F12: variants seen among roughly 807,000 people sequenced by gnomAD.
The protein encoded by F12 is Hageman factor.
F12 carries 70 observed loss-of-function variants against 74.8 expected under a neutral mutation model. The ratio of observed to expected loss-of-function variants is 0.94; its 90% CI spans 0.77 to 1.14. The LOEUF (loss-of-function observed/expected upper bound fraction) is 1.14. Among genes scored for constraint, F12 ranks in the 50% most tolerant of loss-of-function variants. The probability of loss-of-function intolerance (pLI) is 0.00; values close to 1 mark genes in which losing one functional copy is unlikely to be tolerated. For synonymous variants in F12, 373 were observed against 356.4 expected, an observed-to-expected ratio of 1.05 and a Z score of -0.52; for missense variants, 811 against 835.7, an observed-to-expected ratio of 0.97 and a Z score of 0.36.
In F12 at chr5:177,403,412, G is replaced by C. The variant is rs1405067811; in HGVS notation, c.1388-15C>G. ...GCGCAACAGAGCTAACCCGGGCGGA[G>C]AGGAGCGTGAGGCGGGGACGCCGGG... On this transcript the variant is annotated splice_polypyrimidine_tract_variant and intron_variant, in intron 11 of 13. Transcript: ENST00000253496. The C allele has an allele frequency of 6.3e-7, 1 of 1,585,606 alleles. No homozygotes were observed. Among genetic ancestry groups the C allele is most frequent in the Non-Finnish European group, 8.5e-7 (1 of 1,172,652 alleles).
rs934155433 is a variant in F12 at position 177,406,183 on chromosome 5, T to G, written c.116-122A>C. On this transcript the variant is annotated intron_variant, in intron 2 of 13. Coordinates refer to ENST00000253496, the MANE Select transcript of F12 (RefSeq NM_000505.4). ...AAGGTCGCTGTGCATTGAAAACACT[T>G]TCTGCTCTAAAAGTTGGGTTCAGGG... is the stretch of plus-strand genomic sequence containing the variant. 31 of 927,908 alleles carry G rather than the reference T, an allele frequency of 3.3e-5. No individual in the cohort carries two copies. In the Middle Eastern group the frequency reaches 1.1e-3, roughly 32 times the overall value. The allele number at this position is 927,908 out of a possible 1,614,324, so 57.5% of individuals were successfully genotyped here.
chr5:177,405,661 G>A (rs1763271822), intron 4 of F12, 74 bp downstream of exon 4: 1 of 1,439,692 alleles, frequency 6.9e-7, no homozygotes, highest in South Asian at 1.1e-5. Context: ...AGGTGTGTGG[G>A]GTCTGGTGAT....
At chr5:177,406,287 G>C (rs929264405) in intron 2 of F12, among the ~76,000 whole-genome samples, 9 of 152,290 alleles carry the variant, frequency 5.9e-5, no homozygotes, top group African/African-American at 1.2e-4. Flanking sequence ...AGGAGATCAA[G>C]ACCATCCTGG....
At chr5:177,408,385 G>A (rs1763337482) in intron 2 of F12, among the ~76,000 whole-genome samples, 1 of 152,186 alleles carries the variant, frequency 6.6e-6, no homozygotes, top group Non-Finnish European at 1.5e-5. Flanking sequence ...AAGAATGAAA[G>A]CAATGGGGAG....
In F12 at chr5:177,403,569, G is replaced by A. The variant is rs17876033; in HGVS notation, c.1299C>T (p.Asn433=). The change falls in exon 11 of 14, where the codon AAC becomes AAT. Residue 433 remains asparagine (N), a synonymous_variant. Transcript: ENST00000253496. The part of the protein sequence containing the change: ...LTVVLGQERR[N]HSCEPCQTLA... Reference sequence around the variant, plus strand: ...ACGTCTGGCACGGCTCACAGCTGTGGTTACGGCGTTCCTGGCCGAGCACCA... The same window carrying A: ...ACGTCTGGCACGGCTCACAGCTGTGATTACGGCGTTCCTGGCCGAGCACCA... 1.6e-3 allele frequency: 2,499 copies of A among 1,604,796 alleles called. 7 individuals carry two copies. Among genetic ancestry groups the A allele is most frequent in the Non-Finnish European group, 2.0e-3 (2,316 of 1,178,438 alleles).
intron 2 of F12, among the ~76,000 whole-genome samples, chr5:177,406,289 C>G (rs1411193292): frequency 6.6e-6 from 1 of 152,136 alleles, no homozygotes; most frequent in Non-Finnish European, 1.5e-5. Flanking sequence ...GAGATCAAGA[C>G]CATCCTGGCT....
chr5:177,403,088 C>G, intron 12 of F12, 166 bp downstream of exon 12: 3 of 845,060 alleles, frequency 3.6e-6, no homozygotes, highest in East Asian at 2.6e-5. Context: ...GAATCCCAGG[C>G]CCTGGGATTC....
At chr5:177,406,461 C>A (rs1378026302) in intron 2 of F12, among the ~76,000 whole-genome samples, 1 of 151,960 alleles carries the variant, frequency 6.6e-6, no homozygotes, top group Non-Finnish European at 1.5e-5. Flanking sequence ...TGCACTCCAG[C>A]CTGGGTGACA....
At chr5:177,404,943 C>T (rs1763251838) in intron 6 of F12, 29 bp from the exon 7 acceptor site, 3 of 1,588,114 alleles carry the variant, frequency 1.9e-6, no homozygotes, top group Non-Finnish European at 2.6e-6. Flanking sequence ...TGAGCCACCC[C>T]TGGGCCTAAA....
At position 177,405,579 on chromosome 5, in the gene F12, C is replaced by T. The variant is rs555133740; in HGVS notation, c.287-146G>A. 60 of 1,179,622 alleles carry T rather than the reference C, an allele frequency of 5.1e-5. 1 individual carries two copies. The South Asian group carries it at 7.4e-4, about 15-fold the overall frequency. The allele number at this position is 1,179,622 out of a possible 1,614,324, so 73.1% of individuals were successfully genotyped here. A position where few individuals can be genotyped will look rare whatever the true frequency, so the allele number is the denominator to read the frequency against. On this transcript the variant is annotated intron_variant, in intron 4 of 13. Transcript: ENST00000253496. ...ACCCACCTGCAAAATGGGACCACTC[C>T]TTCCCAGAACTCTCCCTCTGGACTT...
chr5:177,409,023 G>A (rs367757758), intron 2 of F12, 23 bp downstream of exon 2: 82 of 1,550,404 alleles, frequency 5.3e-5, no homozygotes, highest in Non-Finnish European at 6.9e-5. Context: ...AGGGTTCCCG[G>A]GAGGAGGAGC....
In F12 at chr5:177,402,293, CAGGAAA is replaced by C. The variant is rs1561639172; in HGVS notation, c.1841_1846del (p.Val614_Ter616delinsGly). ...AGGGAAAGATGAGTCCCTGAGCAAT[CAGGAAA>C]CGGTGTGCTCCCGGATCCAGGCCAG... On this transcript the variant is annotated stop_lost and inframe_deletion, in exon 14 of 14. Coordinates refer to ENST00000253496, the MANE Select transcript of F12 (RefSeq NM_000505.4). The C allele has an allele frequency of 6.2e-7, 1 of 1,613,586 alleles. No homozygotes were observed. Among genetic ancestry groups the C allele is most frequent in the Non-Finnish European group, 8.5e-7 (1 of 1,179,964 alleles).
chr5:177,405,283 G>C (rs1339109149), intron 5 of F12, 40 bp downstream of exon 5: 1 of 1,613,370 alleles, frequency 6.2e-7, no homozygotes, highest in Admixed American at 1.7e-5. Context: ...GGTTGCCCCT[G>C]TCCCCCAGCA....
chr5:177,403,162 C>T, intron 12 of F12, 92 bp downstream of exon 12: 3 of 1,558,476 alleles, frequency 1.9e-6, no homozygotes, highest in Non-Finnish European at 2.6e-6. Context: ...TCTGTAGGCA[C>T]CCGGAACGAT....
intron 2 of F12, among the ~76,000 whole-genome samples, chr5:177,406,437 C>T (rs961275585): frequency 6.6e-6 from 1 of 151,832 alleles, no homozygotes. Flanking sequence ...TGCAGTGAGC[C>T]GAGATCGCGC....
Position 177,402,699 on chromosome 5 carries a change from C to G in F12, c.1532-1G>C. The G allele has an allele frequency of 6.2e-7, 1 of 1,611,492 alleles. No homozygotes were observed. The highest frequency in any genetic ancestry group is 2.1e-4 in the Middle Eastern group (1 of 4,724). ...AGGAAGCTGGCATATTCCTCCGCCC[C>G]TGCGAACACAGAGCGCCTTCTTCAC... is the stretch of plus-strand genomic sequence containing the variant. On this transcript the variant is annotated splice_acceptor_variant, in intron 12 of 13. Transcript: ENST00000253496. LOFTEE classifies it high-confidence loss of function.
At chr5:177,402,950 T>A in intron 12 of F12, 1 of 672,546 alleles carries the variant, frequency 1.5e-6, no homozygotes, top group Non-Finnish European at 2.5e-6. Context: ...TCGCAGAACC[T>A]GGCTCCCACA....
At chr5:177,405,484 TG>T (rs781703077) in intron 4 of F12, 51 bp from the exon 5 acceptor site, 37 of 1,566,176 alleles carry the variant, frequency 2.4e-5, no homozygotes, top group Middle Eastern at 1.7e-4. Flanking sequence ...GTCACACAGC[TG>T]GGGGCCAAGG....
chr5:177,406,087 G>A, intron 2 of F12, 26 bp from the exon 3 acceptor site: 2 of 1,589,322 alleles, frequency 1.3e-6, no homozygotes, highest in Non-Finnish European at 1.7e-6. Flanking sequence ...ACTCTCTGAG[G>A]ACTTCCCCTG....
Sources: allele counts gnomAD v4.1 joint callset (sites outside exome capture counted in the v4.1 genomes callset), GRCh38; gene constraint gnomAD v4.1.1; transcripts MANE v1.5; gene names NCBI Gene and HGNC (gene_info 2026-07-23, HGNC 2026-07-21).